Variants in DSTN observed in about 807,000 individuals in gnomAD.
DSTN encodes destrin.
In DSTN, 10 loss-of-function variants were observed where a neutral mutation model predicts 16.8. The ratio of observed to expected loss-of-function variants is 0.60; its 90% CI spans 0.37 to 1.01. DSTN has a LOEUF of 1.01. DSTN is among the 50% of genes least tolerant of loss of function. DSTN has a pLI of 0.01. For missense variants in DSTN, 141 were observed against 196.7 expected, an observed-to-expected ratio of 0.72 and a Z score of 1.69; for synonymous variants, 57 against 58.9, an observed-to-expected ratio of 0.97 and a Z score of 0.14.
At chr20:17,599,245 A>G (rs1054490638) in intron 1 of DSTN, 1 of 152,194 alleles carries the variant, frequency 6.6e-6, no homozygotes, top group Non-Finnish European at 1.5e-5. Flanking sequence ...GTGTGCTATG[A>G]TCATTCCTGT....
chr20:17,570,187 C>G lies in DSTN; in HGVS notation c.-22C>G, dbSNP rs762626107. The G allele has an allele frequency of 1.3e-6, 2 of 1,519,812 alleles. No homozygotes were observed. The highest frequency in any genetic ancestry group is 1.8e-6 in the Non-Finnish European group (2 of 1,137,630). 94.1% of individuals were successfully genotyped at this position (1,519,812 alleles called of 1,614,324 possible). A position where few individuals can be genotyped will look rare whatever the true frequency, so the allele number is the denominator to read the frequency against. On this transcript the variant is annotated 5_prime_UTR_variant, in exon 1 of 4. Transcript: ENST00000246069. ...TGCCCGCCGGCTCCCTCCCCCGCGTCCCTGCGACCGCCGCGGCGAAGATGG... is the reference window on the plus strand; with the variant it reads ...TGCCCGCCGGCTCCCTCCCCCGCGTGCCTGCGACCGCCGCGGCGAAGATGG...
intron 1 of DSTN, among the ~76,000 whole-genome samples, chr20:17,585,715 T>C (rs2035399839): frequency 6.6e-6 from 1 of 152,106 alleles, no homozygotes; most frequent in African/African-American, 2.4e-5. Flanking sequence ...AGTCAAAATA[T>C]AGAATAATTC....
intron 1 of DSTN, among the ~76,000 whole-genome samples, chr20:17,597,707 G>T (rs2035541672): frequency 6.6e-6 from 1 of 152,214 alleles, no homozygotes; most frequent in East Asian, 1.9e-4. Context: ...CTTTATTGAG[G>T]TATAATTCAC....
Position 17,607,791 on chromosome 20 carries a change from C to G in DSTN, c.*645C>G, listed in dbSNP as rs1322440929. 2 of 152,224 alleles carry G rather than the reference C, an allele frequency of 1.3e-5. No homozygotes were observed. Among genetic ancestry groups the G allele is most frequent in the African/African-American group, 4.8e-5 (2 of 41,436 alleles). The allele number at this position is 152,224 out of a possible 1,614,324, so 9.4% of individuals were successfully genotyped here. On this transcript the variant is annotated 3_prime_UTR_variant, in exon 4 of 4. Coordinates refer to ENST00000246069, the MANE Select transcript of DSTN (RefSeq NM_006870.4). ...GCCATTCACTGATTGGAAGAGTGAC[C>G]TGGCATCTTGGAAATCATTGTGTGT...
chr20:17,593,603 C>T (rs2035494608), intron 1 of DSTN, among the ~76,000 whole-genome samples: 1 of 152,172 alleles, frequency 6.6e-6, no homozygotes, highest in Non-Finnish European at 1.5e-5. Flanking sequence ...GATCTGACAT[C>T]TAAAGAGTAT....
Position 17,600,809 on chromosome 20 carries a change from A to G in DSTN, c.75A>G (p.Thr25=), listed in dbSNP as rs766104514. 1 of 1,613,858 alleles carries G rather than the reference A, an allele frequency of 6.2e-7. No individual in the cohort carries two copies. Among genetic ancestry groups the G allele is most frequent in the South Asian group, 1.1e-5 (1 of 91,066 alleles). Residue 25 remains threonine (T), a synonymous_variant, in exon 2 of 4, where the codon ACA becomes ACG. Coordinates refer to ENST00000246069, the MANE Select transcript of DSTN (RefSeq NM_006870.4). ...FYDMKVRKCS[T]PEEIKKRKKA... is the part of the protein sequence containing the mutation. ...ACATGAAAGTTCGTAAATGCTCCAC[A>G]CCAGAAGAAATCAAGAAAAGAAAGA...
chr20:17,582,476 G>T (rs1568732248), intron 1 of DSTN, among the ~76,000 whole-genome samples: 1 of 152,176 alleles, frequency 6.6e-6, no homozygotes. Flanking sequence ...ATAAGGGAAT[G>T]AGAGAGTGAC....
rs543572218 is a variant in DSTN at position 17,607,198 on chromosome 20, C to G, written c.*52C>G. 6.5e-7 allele frequency: 1 copy of G among 1,549,006 alleles called. No individual in the cohort carries two copies. The highest frequency in any genetic ancestry group is 2.3e-5 in the East Asian group (1 of 44,376). On this transcript the variant is annotated 3_prime_UTR_variant, in exon 4 of 4. Coordinates refer to ENST00000246069, the MANE Select transcript of DSTN (RefSeq NM_006870.4). ...TTCCATGTTTAATGTTATCCTCTTGCTATATAAATAAAGCAAATATATTTA... is the reference window on the plus strand; with the variant it reads ...TTCCATGTTTAATGTTATCCTCTTGGTATATAAATAAAGCAAATATATTTA...
chr20:17,582,288 C>T (rs1048246905), intron 1 of DSTN, among the ~76,000 whole-genome samples: 2 of 152,016 alleles, frequency 1.3e-5, no homozygotes, highest in African/African-American at 4.8e-5. Flanking sequence ...ACCATGTTGG[C>T]CAGGCTGGTC....
At chr20:17,574,840 C>CTTTCT (rs1350227582) in intron 1 of DSTN, among the ~76,000 whole-genome samples, 2 of 92,268 alleles carry the variant, frequency 2.2e-5, no homozygotes, top group Non-Finnish European at 2.2e-5. Flanking sequence ...TTTCTTTTTT[C>CTTTCT]TTTCTTTTCT....
chr20:17,602,572 C>A (rs1395497151), intron 2 of DSTN, among the ~76,000 whole-genome samples: 1 of 152,162 alleles, frequency 6.6e-6, no homozygotes, highest in Non-Finnish European at 1.5e-5. Flanking sequence ...TGCACTGTTA[C>A]ACTGTTACTT....
Position 17,571,439 on chromosome 20 carries a change from A to G in DSTN, c.3+1228A>G, listed in dbSNP as rs145974814. On this transcript the variant is annotated intron_variant, in intron 1 of 3. Coordinates refer to ENST00000246069, the MANE Select transcript of DSTN (RefSeq NM_006870.4). ...AAACCGGTAGTTTCTTGATGACTGT[A>G]GATATGTATGTAATAGGGATTTGAT... 1.2e-4 allele frequency among the ~76,000 whole-genome samples: 19 copies of G among 152,358 alleles called. No individual in the cohort carries two copies. In the East Asian group the frequency reaches 3.7e-3, roughly 29 times the overall value.
chr20:17,573,202 TA>T, intron 1 of DSTN, among the ~76,000 whole-genome samples: 1 of 152,370 alleles, frequency 6.6e-6, no homozygotes, highest in East Asian at 1.9e-4. Flanking sequence ...TCCATACTTT[TA>T]GCTACTTAAT....
intron 1 of DSTN, among the ~76,000 whole-genome samples, chr20:17,580,885 C>CT (rs1327864779): frequency 6.6e-6 from 1 of 152,188 alleles, no homozygotes; most frequent in South Asian, 2.1e-4. Flanking sequence ...AGAAGGAACT[C>CT]TTAAGTAGAA....
intron 1 of DSTN, among the ~76,000 whole-genome samples, chr20:17,593,635 G>T (rs1316531638): frequency 6.6e-6 from 1 of 152,206 alleles, no homozygotes; most frequent in Non-Finnish European, 1.5e-5. Flanking sequence ...CTGTAGGGAA[G>T]TGCTATCTAG....
chr20:17,584,724 G>A (rs1335618213), intron 1 of DSTN, among the ~76,000 whole-genome samples: 2 of 151,292 alleles, frequency 1.3e-5, no homozygotes, highest in Non-Finnish European at 2.9e-5. Flanking sequence ...ATAAAAATCA[G>A]TTATAGCCTC....
chr20:17,578,961 C>CA (rs59600009), intron 1 of DSTN, among the ~76,000 whole-genome samples: 2,211 of 80,978 alleles, frequency 0.027, 150 homozygotes, highest in African/African-American at 0.085. Context: ...AATTCCATCT[C>CA]AAAAAAAAAA....
intron 1 of DSTN, among the ~76,000 whole-genome samples, chr20:17,574,581 C>T (rs1001420406): frequency 6.6e-5 from 10 of 151,960 alleles, no homozygotes; most frequent in African/African-American, 2.4e-4. Flanking sequence ...AAGTCTATAG[C>T]TGGGCGTGGT....
chr20:17,571,863 G>T (rs2035210856), intron 1 of DSTN, among the ~76,000 whole-genome samples: 1 of 152,168 alleles, frequency 6.6e-6, no homozygotes, highest in Non-Finnish European at 1.5e-5. Context: ...AGGAGTGGGA[G>T]AAATAAAAAT....
Sources: allele counts gnomAD v4.1 joint callset (sites outside exome capture counted in the v4.1 genomes callset), GRCh38; gene constraint gnomAD v4.1.1; transcripts MANE v1.5; gene names NCBI Gene and HGNC (gene_info 2026-07-23, HGNC 2026-07-21).